MBD5: variants seen among roughly 807,000 people sequenced by gnomAD.
The protein encoded by MBD5 is methyl-CpG-binding domain protein 5.
MBD5 carries 13 observed loss-of-function variants against 117.3 expected under a neutral mutation model. The ratio of observed to expected loss-of-function variants is 0.11; its 90% CI spans 0.07 to 0.18. The LOEUF (loss-of-function observed/expected upper bound fraction) is 0.18. Among genes scored for constraint, MBD5 ranks in the 10% least tolerant of loss-of-function variants. The pLI, the probability that MBD5 is intolerant of heterozygous loss-of-function variation, is 1.00. For missense variants in MBD5, 1,879 were observed against 2,093.8 expected, an observed-to-expected ratio of 0.90 and a Z score of 2.00; for synonymous variants, 727 against 766.4, an observed-to-expected ratio of 0.95 and a Z score of 0.85.
intron 4 of MBD5, among the ~76,000 whole-genome samples, chr2:148,351,560 T>G (rs1703250331): frequency 1.5e-5 from 2 of 136,618 alleles, no homozygotes; most frequent in African/African-American, 5.8e-5. Flanking sequence ...TAAGTAATGC[T>G]GCTGCACACA....
In MBD5 at chr2:148,489,584, G is replaced by C; in HGVS notation, c.3952G>C (p.Val1318Leu). The change falls in exon 11 of 14, where the codon GTA (valine) becomes CTA (leucine). Residue 1318 changes from valine (V) to leucine (L), a missense_variant. Physicochemically the swap from Val to Leu is conservative, Grantham distance 32. Coordinates refer to ENST00000642680, the MANE Select transcript of MBD5 (RefSeq NM_001378120.1). The stretch of plus-strand genomic sequence containing the variant: ...TGTGGGTGGCCCAGGTGATGCTTCC[G>C]TAGATGCCATTTACAAAGCAGTTGT... ...LVVGGPGDAS[V>L]DAIYKAVVDA... The C allele has an allele frequency of 1.2e-6, 2 of 1,614,126 alleles. No individual in the cohort carries two copies. The highest frequency in any genetic ancestry group is 2.7e-5 in the African/African-American group (2 of 75,022).
At chr2:148,438,736 G>C (rs1348485818) in intron 4 of MBD5, among the ~76,000 whole-genome samples, 1 of 152,128 alleles carries the variant, frequency 6.6e-6, no homozygotes, top group African/African-American at 2.4e-5. Flanking sequence ...GTAAGTCCTG[G>C]AGTCCAAAGC....
chr2:148,355,065 GTCT>G (rs1264190835), intron 4 of MBD5, among the ~76,000 whole-genome samples: 2 of 151,998 alleles, frequency 1.3e-5, no homozygotes, highest in East Asian at 3.9e-4. Flanking sequence ...CCATATAAAT[GTCT>G]TCTTTTGAGA....
chr2:148,042,397 A>G (rs1694385940), intron 1 of MBD5, among the ~76,000 whole-genome samples: 1 of 152,196 alleles, frequency 6.6e-6, no homozygotes, highest in Non-Finnish European at 1.5e-5. Context: ...TATGACTTAC[A>G]GAAAAAAATT....
rs758487252 is a variant in MBD5, at chr2:148,483,106, T to G, written c.2519-4T>G. 2 of 1,609,706 alleles carry G rather than the reference T, an allele frequency of 1.2e-6. No homozygotes were observed. The highest frequency in any genetic ancestry group is 1.1e-5 in the South Asian group (1 of 90,932). ...GTTTTGTGTTTTTTTTTTTTTCATT[T>G]TAGGCGGTTCAGGACCATCATCCTC... On this transcript the variant is annotated splice_polypyrimidine_tract_variant and splice_region_variant and intron_variant, in intron 8 of 13. Transcript: ENST00000642680.
At chr2:148,022,560 T>G (rs1693784363) in intron 1 of MBD5, among the ~76,000 whole-genome samples, 1 of 152,216 alleles carries the variant, frequency 6.6e-6, no homozygotes, top group Non-Finnish European at 1.5e-5. Context: ...AACTTTATGT[T>G]GTTCTGGCTG....
Position 148,497,278 on chromosome 2 carries a change from G to A in MBD5, c.4963-5158G>A, listed in dbSNP as rs544734555. 2.0e-4 allele frequency among the ~76,000 whole-genome samples: 30 copies of A among 151,976 alleles called. 1 individual carries two copies. In the South Asian group the frequency reaches 4.8e-3, roughly 24 times the overall value. ...CACAAATGTACTAGGCACTATTCAA[G>A]CCACTTTTTAGATTTAAACAACTTA... is the stretch of plus-strand genomic sequence containing the variant. On this transcript the variant is annotated intron_variant, in intron 11 of 13. Transcript: ENST00000642680.
chr2:148,170,217 C>G (rs970263472), intron 1 of MBD5, among the ~76,000 whole-genome samples: 12 of 152,082 alleles, frequency 7.9e-5, no homozygotes, highest in African/African-American at 2.9e-4. Context: ...CTTTTCTTTG[C>G]GACAAAAGGA....
chr2:148,064,872 T>C (rs1291094836), intron 1 of MBD5, among the ~76,000 whole-genome samples: 2 of 152,214 alleles, frequency 1.3e-5, no homozygotes, highest in African/African-American at 4.8e-5. Flanking sequence ...TTGACCGTTC[T>C]TTCTTATATA....
At chr2:148,236,223 T>G (rs765669428) in intron 3 of MBD5, among the ~76,000 whole-genome samples, 3 of 152,170 alleles carry the variant, frequency 2.0e-5, no homozygotes, top group Admixed American at 1.3e-4. Context: ...CAAGGAATAT[T>G]GCCACATCAA....
At chr2:148,462,437 G>C (rs1707118212) in intron 5 of MBD5, 145 bp from the exon 6 acceptor site, 2 of 645,000 alleles carry the variant, frequency 3.1e-6, no homozygotes, top group Non-Finnish European at 5.6e-6. Context: ...TAATTTAGTA[G>C]CTAACATAAT....
At position 148,483,314 on chromosome 2, in the gene MBD5, A is replaced by G. The variant is rs1574476982; in HGVS notation, c.2723A>G (p.Asn908Ser). 1 of 1,613,892 alleles carries G rather than the reference A, an allele frequency of 6.2e-7. No homozygotes were observed. The highest frequency in any genetic ancestry group is 8.5e-7 in the Non-Finnish European group (1 of 1,179,958). The change falls in exon 9 of 14, where the codon AAC becomes AGC. Residue 908 changes from asparagine to serine, a missense_variant. By Grantham distance (46) the Asn-to-Ser change is conservative. Around this residue, in one of 4 missense-constraint regions of MBD5, gnomAD observed 1,666 missense variants for 1,792.2 expected, o/e 0.93. Coordinates refer to ENST00000642680, the MANE Select transcript of MBD5 (RefSeq NM_001378120.1). ...LHFPSNSTSN[N>S]HLPHPLNPSL... ...TTTCCATCCAACAGCACTTCAAACA[A>G]CCATCTTCCACACCCCTTGAACCCC... is the stretch of plus-strand genomic sequence containing the variant.
At chr2:148,334,679 G>A (rs940216255) in intron 3 of MBD5, among the ~76,000 whole-genome samples, 1 of 152,042 alleles carries the variant, frequency 6.6e-6, no homozygotes, top group Non-Finnish European at 1.5e-5. Flanking sequence ...TTATATTTTA[G>A]TTTGGTTTTG....
At chr2:148,414,326 G>A (rs1178305395) in intron 4 of MBD5, among the ~76,000 whole-genome samples, 3 of 152,132 alleles carry the variant, frequency 2.0e-5, no homozygotes, top group East Asian at 1.9e-4. Flanking sequence ...TGGTCCAAGA[G>A]TATGTTGATA....
intron 2 of MBD5, among the ~76,000 whole-genome samples, chr2:148,196,387 TAAA>T (rs1003320721): frequency 6.6e-6 from 1 of 150,772 alleles, no homozygotes; most frequent in Admixed American, 6.6e-5. Context: ...GTGCCACTAC[TAAA>T]AAAAAATGGT....
At chr2:148,236,701 T>G (rs1700098903) in intron 3 of MBD5, among the ~76,000 whole-genome samples, 1 of 152,166 alleles carries the variant, frequency 6.6e-6, no homozygotes, top group South Asian at 2.1e-4. Flanking sequence ...GAATGGTAAA[T>G]GAGCATTGGC....
At position 148,443,151 on chromosome 2, in the gene MBD5, A is replaced by T. The variant is rs576861487; in HGVS notation, c.-556-15052A>T. On this transcript the variant is annotated intron_variant, in intron 4 of 13. Transcript: ENST00000642680. ...AAACAGGCATATGAAAAGGTGCTCAACATCACTGATCATCAGAGAAATGCA... is the reference window on the plus strand; with the variant it reads ...AAACAGGCATATGAAAAGGTGCTCATCATCACTGATCATCAGAGAAATGCA... Among the ~76,000 whole-genome samples, 15 of 151,548 alleles carry T rather than the reference A, an allele frequency of 9.9e-5. 1 individual carries two copies. In the East Asian group the frequency reaches 2.5e-3, roughly 25 times the overall value.
chr2:148,504,733 A>G (rs1681977652), intron 12 of MBD5, among the ~76,000 whole-genome samples: 1 of 152,190 alleles, frequency 6.6e-6, no homozygotes, highest in Non-Finnish European at 1.5e-5. Flanking sequence ...TAAACACTAC[A>G]TAGGCATCAG....
Position 148,458,215 on chromosome 2 carries a change from G to T in MBD5, c.-544G>T. ...ACATATGTTTCAGGCTACATTATTG[G>T]AATTTTGAAGTCATGAAAACATCAG... is the stretch of plus-strand genomic sequence containing the variant. On this transcript the variant is annotated 5_prime_UTR_variant, in exon 5 of 14. Coordinates refer to ENST00000642680, the MANE Select transcript of MBD5 (RefSeq NM_001378120.1). The T allele has an allele frequency of 2.5e-6, 1 of 401,816 alleles. No homozygotes were observed. The allele number at this position is 401,816 out of a possible 1,614,324, so 24.9% of individuals were successfully genotyped here. A position where few individuals can be genotyped will look rare whatever the true frequency, so the allele number is the denominator to read the frequency against.
Sources: gnomAD v4.1 joint callset for allele counts (sites outside exome capture counted in the v4.1 genomes callset) on GRCh38, gnomAD v4.1.1 for gene constraint, gnomAD v4.1.1 regional missense constraint, MANE v1.5 for transcripts, NCBI Gene and HGNC (gene_info 2026-07-23, HGNC 2026-07-21) for gene names.